SLC30A9: variants seen among roughly 807,000 people sequenced by gnomAD.
SLC30A9 encodes the protein proton-coupled zinc antiporter SLC30A9, mitochondrial.
A neutral mutation model predicts 87.5 loss-of-function variants in SLC30A9; 58 were observed. That is an observed-to-expected ratio of 0.66 (90% CI 0.54 to 0.82). The LOEUF is 0.82. Among genes scored for constraint, SLC30A9 ranks in the 40% least tolerant of loss-of-function variants. The probability of loss-of-function intolerance (pLI) is 0.00; values close to 1 mark genes in which losing one functional copy is unlikely to be tolerated. For synonymous variants in SLC30A9, 234 were observed against 233.0 expected (o/e 1.00, Z -0.04); for missense variants, 557 against 679.1 (o/e 0.82, Z 2.00).
At chr4:42,010,773 A>G (rs776916813) in intron 2 of SLC30A9, among the ~76,000 whole-genome samples, 7 of 152,144 alleles carry the variant, frequency 4.6e-5, no homozygotes, top group Non-Finnish European at 8.8e-5. Flanking sequence ...AATAATAGAT[A>G]AAGTATAAAA....
At chr4:42,067,433 TGTAC>T (rs1718122537) in intron 14 of SLC30A9, among the ~76,000 whole-genome samples, 1 of 152,348 alleles carries the variant, frequency 6.6e-6, no homozygotes, top group Non-Finnish European at 1.5e-5. Context: ...TCTGTAATGC[TGTAC>T]GTCTTTCTAG....
chr4:42,015,781 A>G (rs6852779), intron 2 of SLC30A9, among the ~76,000 whole-genome samples: 38,550 of 151,394 alleles, frequency 0.25, 7,108 homozygotes, highest in African/African-American at 0.53. Flanking sequence ...GTCCATTCCC[A>G]TTCTTGTCCA....
chr4:42,026,971 T>C (rs183083271), intron 6 of SLC30A9, among the ~76,000 whole-genome samples: 1 of 152,232 alleles, frequency 6.6e-6, no homozygotes, highest in East Asian at 1.9e-4. Flanking sequence ...GTTTATAGTT[T>C]TGGATCTTAG....
intron 16 of SLC30A9, among the ~76,000 whole-genome samples, chr4:42,077,467 C>T (rs557505639): frequency 1.3e-5 from 2 of 152,060 alleles, no homozygotes; most frequent in South Asian, 2.1e-4. Flanking sequence ...TGCAGTGGCG[C>T]GATCTTGGCT....
intron 11 of SLC30A9, 56 bp downstream of exon 11, chr4:42,063,177 C>G (rs955588201): frequency 6.6e-7 from 1 of 1,510,172 alleles, no homozygotes; most frequent in African/African-American, 1.4e-5. Flanking sequence ...TGATTGTGTA[C>G]AGTAGAAGGC....
intron 8 of SLC30A9, among the ~76,000 whole-genome samples, chr4:42,047,284 T>C (rs1717200210): frequency 6.6e-6 from 1 of 152,036 alleles, no homozygotes; most frequent in Non-Finnish European, 1.5e-5. Context: ...ATTATCCGAG[T>C]GAACAGGTAA....
chr4:42,085,211 C>A (rs1023238204), intron 17 of SLC30A9, among the ~76,000 whole-genome samples: 2 of 152,174 alleles, frequency 1.3e-5, no homozygotes, highest in African/African-American at 4.8e-5. Flanking sequence ...CATATGCAGA[C>A]CTACCTTAGA....
At chr4:41,992,267 G>A (rs1300103792) in intron 1 of SLC30A9, among the ~76,000 whole-genome samples, 1 of 151,870 alleles carries the variant, frequency 6.6e-6, no homozygotes, top group Non-Finnish European at 1.5e-5. Flanking sequence ...CTTGAGCCCA[G>A]GAAATTGAGG....
intron 2 of SLC30A9, among the ~76,000 whole-genome samples, chr4:42,017,373 CTGTTTTTT>C (rs1474222505): frequency 2.8e-5 from 2 of 71,358 alleles, no homozygotes; most frequent in Non-Finnish European, 6.6e-5. Context: ...TCTTTTTTCT[CTGTTTTTT>C]TTTTTTTATG....
At chr4:42,023,245 T>C in intron 5 of SLC30A9, 57 bp from the exon 6 acceptor site, 1 of 1,094,962 alleles carries the variant, frequency 9.1e-7, no homozygotes, top group Non-Finnish European at 1.4e-6. Flanking sequence ...GATTTAAATG[T>C]GATGTCAATA....
chr4:42,038,064 G>T (rs553642585), intron 7 of SLC30A9, among the ~76,000 whole-genome samples: 20 of 152,192 alleles, frequency 1.3e-4, no homozygotes, highest in Admixed American at 6.5e-4. Flanking sequence ...GAGCCACTGC[G>T]CCCGACCTGA....
chr4:42,008,362 G>T (rs1715304547), intron 2 of SLC30A9, among the ~76,000 whole-genome samples: 1 of 152,150 alleles, frequency 6.6e-6, no homozygotes, highest in Non-Finnish European at 1.5e-5. Flanking sequence ...CCTGATTGAT[G>T]TTTTCCATAT....
rs769744793 is a variant in SLC30A9, at chr4:42,009,896, T to C, written c.274+8116T>C. On this transcript the variant is annotated intron_variant, in intron 2 of 17. Transcript: ENST00000264451. Reference sequence around the variant, plus strand: ...GTTTTGAAAATGTATTATTCCACCTTTTTCCCTTCACTCCTCTCTGCCCTG... The same window carrying C: ...GTTTTGAAAATGTATTATTCCACCTCTTTCCCTTCACTCCTCTCTGCCCTG... Among the ~76,000 whole-genome samples, 185 of 152,312 alleles carry C rather than the reference T, an allele frequency of 1.2e-3. 1 individual carries two copies. The highest frequency in any genetic ancestry group is 2.0e-3 in the Non-Finnish European group (136 of 68,020).
At chr4:41,991,335 C>T (rs1286376396) in intron 1 of SLC30A9, among the ~76,000 whole-genome samples, 1 of 152,214 alleles carries the variant, frequency 6.6e-6, no homozygotes, top group Non-Finnish European at 1.5e-5. Context: ...TTCAGTTCGG[C>T]TGAGCAGTCT....
At chr4:42,022,047 T>C (rs62302121) in intron 4 of SLC30A9, among the ~76,000 whole-genome samples, 1 of 32,730 alleles carries the variant, frequency 3.1e-5, no homozygotes, top group Admixed American at 6.6e-4. Flanking sequence ...GCCATTCTCC[T>C]GCCTCAGCCT....
intron 1 of SLC30A9, among the ~76,000 whole-genome samples, chr4:41,994,216 T>C (rs1466066598): frequency 7.2e-5 from 11 of 152,150 alleles, no homozygotes; most frequent in Admixed American, 5.9e-4. Context: ...TCTTGTGTTA[T>C]TAGGTAAAAA....
intron 16 of SLC30A9, among the ~76,000 whole-genome samples, chr4:42,077,094 G>A (rs1418332386): frequency 3.9e-5 from 6 of 152,152 alleles, no homozygotes; most frequent in Non-Finnish European, 7.4e-5. Flanking sequence ...GCCATTGGGT[G>A]TACTTACCTT....
At chr4:42,047,314 T>A (rs993938389) in intron 8 of SLC30A9, among the ~76,000 whole-genome samples, 1 of 152,046 alleles carries the variant, frequency 6.6e-6, no homozygotes, top group Admixed American at 6.6e-5. Flanking sequence ...TGGGAGAAAA[T>A]TTTTGCAATC....
Position 41,990,626 on chromosome 4 carries a change from C to T in SLC30A9, c.-26C>T. On this transcript the variant is annotated 5_prime_UTR_variant, in exon 1 of 18. The change creates a premature stop within an existing upstream ORF in the 5' untranslated region. Coordinates refer to ENST00000264451, the MANE Select transcript of SLC30A9 (RefSeq NM_006345.4). ...CGGCGCGGAGGCAGAAGGCGGTGTC[C>T]GAGTAGGGGCCTCTGCCCCACCAGG... is the stretch of plus-strand genomic sequence containing the variant. 1 of 1,455,224 alleles carries T rather than the reference C, an allele frequency of 6.9e-7. No homozygotes were observed. The highest frequency in any genetic ancestry group is 9.5e-7 in the Non-Finnish European group (1 of 1,049,034). The allele number at this position is 1,455,224 out of a possible 1,614,324, so 90.1% of individuals were successfully genotyped here. A position where few individuals can be genotyped will look rare whatever the true frequency, so the allele number is the denominator to read the frequency against.
Sources: allele counts gnomAD v4.1 joint callset (sites outside exome capture counted in the v4.1 genomes callset), GRCh38; gene constraint gnomAD v4.1.1; transcripts MANE v1.5; gene names NCBI Gene and HGNC (gene_info 2026-07-23, HGNC 2026-07-21).